Variants in ZNF609 observed in about 807,000 individuals in gnomAD.
The protein encoded by ZNF609 is zinc finger protein 609.
In ZNF609, 11 loss-of-function variants were observed where a neutral mutation model predicts 109.5. That is an observed-to-expected ratio of 0.10 (90% CI 0.06 to 0.17). ZNF609 has a LOEUF of 0.17. Among genes scored for constraint, ZNF609 ranks in the 10% least tolerant of loss-of-function variants. ZNF609 has a pLI of 1.00. For synonymous variants in ZNF609, 646 were observed against 662.0 expected (o/e 0.98, Z 0.37); for missense variants, 1,559 against 1,772.4 (o/e 0.88, Z 2.16).
chr15:64,631,242 T>C, intron 3 of ZNF609: 1 of 646,408 alleles, frequency 1.5e-6, no homozygotes, highest in Non-Finnish European at 2.9e-6. Context: ...GGCTTCTTTC[T>C]TTTTCTGATC....
intron 2 of ZNF609, chr15:64,528,834 T>C (rs2140370029): frequency 1.2e-6 from 1 of 847,026 alleles, no homozygotes; most frequent in Non-Finnish European, 2.0e-6. Context: ...AAGGAGACCA[T>C]CTGGTGCTCA....
At chr15:64,611,795 G>T (rs867762321) in intron 2 of ZNF609, among the ~76,000 whole-genome samples, 2 of 150,982 alleles carry the variant, frequency 1.3e-5, no homozygotes, top group Admixed American at 1.3e-4. Context: ...GTGCAGTGGC[G>T]CAATCTTGGC....
At chr15:64,480,269 C>G (rs1253567104) in intron 1 of ZNF609, among the ~76,000 whole-genome samples, 1 of 151,746 alleles carries the variant, frequency 6.6e-6, no homozygotes, top group Non-Finnish European at 1.5e-5. Flanking sequence ...CGCAGTGGCT[C>G]ACGCCTGTAA....
chr15:64,669,430 A>G (rs913945597), intron 3 of ZNF609, among the ~76,000 whole-genome samples: 1 of 152,236 alleles, frequency 6.6e-6, no homozygotes, highest in African/African-American at 2.4e-5. Context: ...CATTGTGTGT[A>G]TATTGCTATC....
At chr15:64,586,441 G>A (rs535995333) in intron 2 of ZNF609, among the ~76,000 whole-genome samples, 1 of 152,184 alleles carries the variant, frequency 6.6e-6, no homozygotes, top group East Asian at 1.9e-4. Flanking sequence ...GAACCTGGTC[G>A]CACAGCAGGA....
At chr15:64,506,723 G>GA (rs5813307) in intron 2 of ZNF609, among the ~76,000 whole-genome samples, 126,496 of 146,262 alleles carry the variant, frequency 0.86, 55,617 homozygotes, top group East Asian at 0.96. Context: ...TCTGTCTCAA[G>GA]AAAAAAAAAA....
At chr15:64,632,175 C>G (rs2140983284) in intron 3 of ZNF609, among the ~76,000 whole-genome samples, 2 of 152,214 alleles carry the variant, frequency 1.3e-5, no homozygotes, top group East Asian at 3.9e-4. Context: ...ACGTCAGCCT[C>G]CCAAGTAAGT....
intron 2 of ZNF609, among the ~76,000 whole-genome samples, chr15:64,617,074 C>T (rs1895811599): frequency 6.6e-6 from 1 of 152,006 alleles, no homozygotes; most frequent in African/African-American, 2.4e-5. Context: ...TCCCAAAGTG[C>T]TGGGATTACA....
At chr15:64,481,719 T>A (rs1292357063) in intron 1 of ZNF609, among the ~76,000 whole-genome samples, 1 of 152,162 alleles carries the variant, frequency 6.6e-6, no homozygotes, top group African/African-American at 2.4e-5. Context: ...AGAAATTAGG[T>A]GAATAAAAGA....
intron 3 of ZNF609, among the ~76,000 whole-genome samples, chr15:64,667,857 A>T (rs1016238020): frequency 6.6e-6 from 1 of 152,250 alleles, no homozygotes; most frequent in Non-Finnish European, 1.5e-5. Flanking sequence ...AAAAAAGCTC[A>T]TAGACTAAGA....
At chr15:64,617,753 CTGGGCAACAAGAGTG>C (rs1895821485) in intron 2 of ZNF609, among the ~76,000 whole-genome samples, 1 of 152,170 alleles carries the variant, frequency 6.6e-6, no homozygotes, top group African/African-American at 2.4e-5. Context: ...GCACTCCAGC[CTGGGCAACAAGAGTG>C]AAACTCCATC....
chr15:64,487,781 C>T (rs1893352758), intron 1 of ZNF609, among the ~76,000 whole-genome samples: 1 of 152,008 alleles, frequency 6.6e-6, no homozygotes, highest in Non-Finnish European at 1.5e-5. Flanking sequence ...TACAAGCGAG[C>T]GCCACCACGC....
chr15:64,650,437 T>TAA (rs144475549), intron 3 of ZNF609, among the ~76,000 whole-genome samples: 1 of 149,332 alleles, frequency 6.7e-6, no homozygotes, highest in Non-Finnish European at 1.5e-5. Context: ...AAAAAAATTG[T>TAA]AAAAAAAATA....
At position 64,570,887 on chromosome 15, in the gene ZNF609, G is replaced by A. The variant is rs772984526; in HGVS notation, c.748-51940G>A. ...CTAAAAATACAAAAATTAGCCAGGT[G>A]TGGTGGCACGCACCTGTAGTCCCAG... On this transcript the variant is annotated intron_variant, in intron 2 of 9. Transcript: ENST00000326648. Among the ~76,000 whole-genome samples the A allele has an allele frequency of 2.1e-4, 32 of 152,190 alleles. No homozygotes were observed. The South Asian group carries it at 4.4e-3, about 21-fold the overall frequency.
Position 64,492,257 on chromosome 15 carries a change from G to GA in ZNF609, c.-127-7029dup, listed in dbSNP as rs1330944943. Among the ~76,000 whole-genome samples, 4 of 151,746 alleles carry GA rather than the reference G, an allele frequency of 2.6e-5. No homozygotes were observed. In the East Asian group the frequency reaches 5.8e-4, roughly 22 times the overall value. On this transcript the variant is annotated intron_variant, in intron 1 of 9. Transcript: ENST00000326648. ...GACTCTGTCTCAAAGAAAAGAAGAA[G>GA]AAAAAAAGCCACATGTGAAGGTAGG...
chr15:64,529,419 T>C, intron 2 of ZNF609: 1 of 785,598 alleles, frequency 1.3e-6, no homozygotes, highest in South Asian at 1.3e-5. Flanking sequence ...CCATTTGATT[T>C]TGGAGGGATC....
Position 64,677,148 on chromosome 15 carries a change from C to G in ZNF609, c.3402+892C>G, listed in dbSNP as rs114602905. Among the ~76,000 whole-genome samples, 368 of 151,946 alleles carry G rather than the reference C, an allele frequency of 2.4e-3. 2 individuals are homozygous for G. Among genetic ancestry groups the G allele is most frequent in the African/African-American group, 8.6e-3 (355 of 41,428 alleles). On this transcript the variant is annotated intron_variant, in intron 5 of 9. Coordinates refer to ENST00000326648, the MANE Select transcript of ZNF609 (RefSeq NM_015042.2). ...ATGCAGTCATAGCTCACTGCAATTT[C>G]CAACTCCTAGGCTCAAGCAGTCCTC...
Position 64,674,391 on chromosome 15 carries a change from A to C in ZNF609, c.1537A>C (p.Lys513Gln), listed in dbSNP as rs762894477. 1.2e-6 allele frequency: 2 copies of C among 1,614,194 alleles called. No individual in the cohort carries two copies. Among genetic ancestry groups the C allele is most frequent in the South Asian group, 1.1e-5 (1 of 91,086 alleles). The change falls in exon 5 of 10, where the codon AAG becomes CAG. Residue 513 changes from lysine (K) to glutamine (Q), a missense_variant. Lys to Gln is a moderately conservative substitution (Grantham distance 53). Coordinates refer to ENST00000326648, the MANE Select transcript of ZNF609 (RefSeq NM_015042.2). ...NKKYKHINGL[K>Q]YHQAHAHTDD... ...GAAGTACAAGCACATCAATGGACTT[A>C]AGTACCACCAAGCTCATGCCCATAC...
At chr15:64,598,903 A>G (rs1032302607) in intron 2 of ZNF609, among the ~76,000 whole-genome samples, 12 of 150,246 alleles carry the variant, frequency 8.0e-5, no homozygotes, top group Non-Finnish European at 1.5e-4. Flanking sequence ...ACCAACCAAT[A>G]CTGCATAAAA....
Sources: gnomAD v4.1 joint callset for allele counts (sites outside exome capture counted in the v4.1 genomes callset) on GRCh38, gnomAD v4.1.1 for gene constraint, MANE v1.5 for transcripts, NCBI Gene and HGNC (gene_info 2026-07-23, HGNC 2026-07-21) for gene names.